CNKSR2: variants seen among roughly 807,000 people sequenced by gnomAD.
CNKSR2 encodes the protein CNK homolog protein 2.
Under a neutral mutation model 84.4 loss-of-function variants are expected in CNKSR2, and 14 were observed. The ratio of observed to expected loss-of-function variants is 0.17; its 90% CI spans 0.11 to 0.26. CNKSR2 has a LOEUF of 0.26. CNKSR2 is among the 10% of genes least tolerant of loss of function. The pLI, the probability that CNKSR2 is intolerant of heterozygous loss-of-function variation, is 1.00. For missense variants in CNKSR2, 485 were observed against 771.2 expected, an observed-to-expected ratio of 0.63 and a Z score of 4.40; for synonymous variants, 275 against 277.9, an observed-to-expected ratio of 0.99 and a Z score of 0.10.
intron 1 of CNKSR2, 169 bp from the exon 2 acceptor site, chrX:21,426,328 A>T: frequency 2.4e-6 from 1 of 418,822 alleles, no homozygotes; most frequent in East Asian, 4.3e-5. Flanking sequence ...TTTCTTTTTC[A>T]CTGTAGCCCA....
At chrX:21,597,913 TA>T (rs933083005) in intron 17 of CNKSR2, among the ~76,000 whole-genome samples, 1 of 108,646 alleles carries the variant, frequency 9.2e-6, no homozygotes, top group Non-Finnish European at 1.9e-5. Context: ...GTTCCTCATT[TA>T]AAAAAAACAA....
intron 3 of CNKSR2, among the ~76,000 whole-genome samples, chrX:21,436,821 T>C (rs1001470254): frequency 1.3e-4 from 15 of 111,361 alleles, no homozygotes; most frequent in African/African-American, 4.9e-4. Context: ...TGAGTGATAA[T>C]CTTTGGTAAC....
chrX:21,549,254 C>T (rs1014017461), intron 11 of CNKSR2, among the ~76,000 whole-genome samples: 12 of 112,108 alleles, frequency 1.1e-4, no homozygotes, highest in South Asian at 3.7e-4. Flanking sequence ...GTGCAAAAAT[C>T]GCAAGCGTTC....
chrX:21,396,269 A>G (rs914362223), intron 1 of CNKSR2, among the ~76,000 whole-genome samples: 1 of 110,971 alleles, frequency 9.0e-6, no homozygotes, highest in Non-Finnish European at 1.9e-5. Context: ...CAAGGAAAAC[A>G]TAAATTAGAA....
chrX:21,421,576 TA>T (rs2090497436), intron 1 of CNKSR2, among the ~76,000 whole-genome samples: 1 of 111,491 alleles, frequency 9.0e-6, no homozygotes, highest in African/African-American at 3.3e-5. Context: ...TTTATGAACA[TA>T]GGTGTACAAC....
chrX:21,440,408 T>G (rs2090768272), intron 3 of CNKSR2, among the ~76,000 whole-genome samples: 1 of 111,491 alleles, frequency 9.0e-6, no homozygotes, highest in South Asian at 3.7e-4. Context: ...CTTTTTTGTT[T>G]TAGATGTAGT....
chrX:21,445,355 T>A (rs1172892311), intron 4 of CNKSR2, among the ~76,000 whole-genome samples: 1 of 111,505 alleles, frequency 9.0e-6, no homozygotes, highest in Non-Finnish European at 1.9e-5. Flanking sequence ...GAGTACAGAG[T>A]CATATTTCAG....
intron 13 of CNKSR2, among the ~76,000 whole-genome samples, chrX:21,580,716 G>A (rs756022820): frequency 2.7e-5 from 3 of 111,631 alleles, no homozygotes; most frequent in Non-Finnish European, 3.8e-5. Flanking sequence ...ATCTCTGTTA[G>A]AGGTGATTCT....
chrX:21,443,017 G>A (rs935114151), intron 4 of CNKSR2, among the ~76,000 whole-genome samples: 1 of 110,461 alleles, frequency 9.1e-6, no homozygotes, highest in African/African-American at 3.3e-5. Context: ...GGTGGGAGGA[G>A]GGTGAGGATC....
chrX:21,609,862 C>G (rs2092541129), intron 20 of CNKSR2, among the ~76,000 whole-genome samples: 1 of 111,613 alleles, frequency 9.0e-6, no homozygotes, highest in Non-Finnish European at 1.9e-5. Flanking sequence ...TTTTCTCCAA[C>G]TAGCCATTTG....
At chrX:21,639,160 C>G (rs1319795479) in intron 20 of CNKSR2, among the ~76,000 whole-genome samples, 1 of 111,872 alleles carries the variant, frequency 8.9e-6, no homozygotes, top group South Asian at 3.7e-4. Flanking sequence ...AAAGAGAAAG[C>G]CCAGTGAAAA....
chrX:21,593,648 C>T (rs1427762683), intron 15 of CNKSR2: 1 of 111,172 alleles, frequency 9.0e-6, no homozygotes, highest in African/African-American at 3.3e-5. Flanking sequence ...GATAATTCTT[C>T]TGTCTTGTTT....
At chrX:21,471,965 C>T in intron 5 of CNKSR2, among the ~76,000 whole-genome samples, 1 of 111,856 alleles carries the variant, frequency 8.9e-6, no homozygotes, top group East Asian at 2.8e-4. Context: ...CTCATTTAAT[C>T]CTACTTTTGC....
rs999137567 is a variant in CNKSR2 at position 21,386,713 on chromosome X, A to G, written c.64+11752A>G. ...TGCTTCAGACTGGAAGTGTTAAAATAAGTGAAAATAACTTAAATTGTTCTT... is the reference window on the plus strand; with the variant it reads ...TGCTTCAGACTGGAAGTGTTAAAATGAGTGAAAATAACTTAAATTGTTCTT... On this transcript the variant is annotated intron_variant, in intron 1 of 21. Coordinates refer to ENST00000379510, the MANE Select transcript of CNKSR2 (RefSeq NM_014927.5). 3.0e-4 allele frequency among the ~76,000 whole-genome samples: 34 copies of G among 112,241 alleles called. No individual in the cohort carries two copies. The East Asian group carries it at 5.0e-3, about 17-fold the overall frequency.
chrX:21,409,453 A>G (rs2090313442), intron 1 of CNKSR2, among the ~76,000 whole-genome samples: 1 of 107,230 alleles, frequency 9.3e-6, no homozygotes, highest in African/African-American at 3.4e-5. Context: ...GAACCAAGGG[A>G]AAGCAGTGAT....
intron 8 of CNKSR2, among the ~76,000 whole-genome samples, chrX:21,511,884 T>C (rs1187320894): frequency 9.0e-6 from 1 of 110,917 alleles, no homozygotes; most frequent in Non-Finnish European, 1.9e-5. Context: ...CTCCACATCT[T>C]CTTCACCTGT....
chrX:21,421,831 G>A (rs1464351757), intron 1 of CNKSR2: 1 of 110,290 alleles, frequency 9.1e-6, no homozygotes, highest in African/African-American at 3.3e-5. Flanking sequence ...CTGGGGAGCA[G>A]GGCCTTGAAA....
chrX:21,583,244 A>G (rs1431097785), intron 13 of CNKSR2, among the ~76,000 whole-genome samples: 2 of 111,484 alleles, frequency 1.8e-5, no homozygotes, highest in Non-Finnish European at 3.8e-5. Flanking sequence ...GATTGACTCC[A>G]AGTTTTTCTT....
chrX:21,375,986 G>A (rs1437527418), intron 1 of CNKSR2, among the ~76,000 whole-genome samples: 1 of 111,815 alleles, frequency 8.9e-6, no homozygotes, highest in Non-Finnish European at 1.9e-5. Flanking sequence ...GGGATGGATG[G>A]GATGGAATGG....
Sources: gnomAD v4.1 joint callset for allele counts (sites outside exome capture counted in the v4.1 genomes callset) on GRCh38, gnomAD v4.1.1 for gene constraint, MANE v1.5 for transcripts, NCBI Gene and HGNC (gene_info 2026-07-23, HGNC 2026-07-21) for gene names.